AKAP6: variants seen among roughly 807,000 people sequenced by gnomAD.
AKAP6 encodes A-kinase anchor protein 6.
Under a neutral mutation model 188.5 loss-of-function variants are expected in AKAP6, and 58 were observed. The ratio of observed to expected loss-of-function variants is 0.31; its 90% confidence interval spans 0.25 to 0.38. The LOEUF (loss-of-function observed/expected upper bound fraction) is 0.38. Ranked by LOEUF, AKAP6 falls within the 10% of genes least tolerant of loss-of-function variation. The probability of loss-of-function intolerance (pLI) is 1.00; values close to 1 mark genes in which losing one functional copy is unlikely to be tolerated. For synonymous variants in AKAP6, 989 were observed against 998.6 expected (o/e 0.99, Z 0.18); for missense variants, 2,710 against 2,740.0 (o/e 0.99, Z 0.24).
intron 2 of AKAP6, among the ~76,000 whole-genome samples, chr14:32,461,718 A>G (rs1335021371): frequency 1.3e-5 from 2 of 152,054 alleles, no homozygotes; most frequent in African/African-American, 2.4e-5. Flanking sequence ...ACAAAACTAA[A>G]TGGAGAATGA....
intron 2 of AKAP6, among the ~76,000 whole-genome samples, chr14:32,482,813 C>T (rs1488083529): frequency 6.6e-6 from 1 of 151,970 alleles, no homozygotes; most frequent in Admixed American, 6.6e-5. Flanking sequence ...AGTTTTCTAC[C>T]GTATGTAAAA....
At chr14:32,781,167 G>A (rs2033238050) in intron 12 of AKAP6, among the ~76,000 whole-genome samples, 1 of 151,684 alleles carries the variant, frequency 6.6e-6, no homozygotes, top group African/African-American at 2.4e-5. Flanking sequence ...TTTTTGAGAA[G>A]ACCAATGAAA....
chr14:32,467,112 C>T (rs1278090779), intron 2 of AKAP6, among the ~76,000 whole-genome samples: 4 of 150,604 alleles, frequency 2.7e-5, no homozygotes, highest in Non-Finnish European at 5.9e-5. Flanking sequence ...ATCATTACCT[C>T]GGTGACGAGA....
intron 7 of AKAP6, among the ~76,000 whole-genome samples, chr14:32,671,486 T>G (rs1199389267): frequency 6.7e-6 from 1 of 148,526 alleles, no homozygotes. Context: ...TTTTTCTTTT[T>G]CTCTCTATTT....
intron 11 of AKAP6, among the ~76,000 whole-genome samples, chr14:32,772,040 G>T (rs1303949857): frequency 6.6e-6 from 1 of 152,094 alleles, no homozygotes; most frequent in Admixed American, 6.6e-5. Flanking sequence ...TGAAGGGTGT[G>T]TGTGGATGTG....
At chr14:32,684,055 G>C (rs1340436322) in intron 8 of AKAP6, among the ~76,000 whole-genome samples, 1 of 152,188 alleles carries the variant, frequency 6.6e-6, no homozygotes, top group African/African-American at 2.4e-5. Flanking sequence ...TGCAGAGGAA[G>C]AATAACAGGG....
chr14:32,808,931 G>T (rs1566726621), intron 12 of AKAP6, among the ~76,000 whole-genome samples: 2 of 152,164 alleles, frequency 1.3e-5, no homozygotes, highest in Non-Finnish European at 2.9e-5. Flanking sequence ...GGCTGCTTCA[G>T]GGAGCACTAA....
intron 7 of AKAP6, among the ~76,000 whole-genome samples, chr14:32,641,626 C>A (rs1019670455): frequency 6.6e-6 from 1 of 152,038 alleles, no homozygotes; most frequent in African/African-American, 2.4e-5. Context: ...AGAGGACAAT[C>A]CTTGAAGACT....
At chr14:32,566,358 A>G (rs57814554) in intron 4 of AKAP6, among the ~76,000 whole-genome samples, 5,687 of 151,908 alleles carry the variant, frequency 0.037, 354 homozygotes, top group African/African-American at 0.13. Flanking sequence ...GTTAATACAT[A>G]TTTTTAAATT....
intron 12 of AKAP6, among the ~76,000 whole-genome samples, chr14:32,805,893 A>G (rs1057234157): frequency 1.3e-5 from 2 of 152,224 alleles, no homozygotes; most frequent in Non-Finnish European, 2.9e-5. Context: ...TAATTATTGC[A>G]TAGAGAAGAG....
chr14:32,433,340 A>T, intron 1 of AKAP6, 120 bp from the exon 2 acceptor site: 1 of 719,390 alleles, frequency 1.4e-6, no homozygotes, highest in Non-Finnish European at 2.3e-6. Flanking sequence ...GTTATGAGCT[A>T]TGGTTTCTTA....
intron 11 of AKAP6, among the ~76,000 whole-genome samples, chr14:32,762,337 T>G (rs894818777): frequency 2.6e-5 from 4 of 152,168 alleles, no homozygotes; most frequent in Non-Finnish European, 5.9e-5. Context: ...TCATATTGTT[T>G]TATATGTCTG....
chr14:32,578,395 T>C (rs1196913634), intron 5 of AKAP6, among the ~76,000 whole-genome samples: 1 of 152,124 alleles, frequency 6.6e-6, no homozygotes, highest in African/African-American at 2.4e-5. Context: ...TGCTTCCCTT[T>C]TTAGAGACCT....
chr14:32,566,247 C>A (rs59021360), intron 4 of AKAP6, among the ~76,000 whole-genome samples: 2,183 of 152,112 alleles, frequency 0.014, 52 homozygotes, highest in African/African-American at 0.05. Context: ...TTCTATTAAG[C>A]CAGACATTCA....
intron 2 of AKAP6, chr14:32,474,371 C>T (rs1382970413): frequency 7.7e-6 from 1 of 129,330 alleles, no homozygotes; most frequent in Admixed American, 7.6e-5. Context: ...CTCAAATCTT[C>T]CTAGACCACT....
intron 9 of AKAP6, among the ~76,000 whole-genome samples, chr14:32,730,829 G>A (rs1298182207): frequency 3.3e-5 from 5 of 152,056 alleles, no homozygotes; most frequent in African/African-American, 7.2e-5. Context: ...TCCAATCATC[G>A]CTCTGACAAA....
chr14:32,381,302 C>T (rs1888351819), intron 1 of AKAP6, among the ~76,000 whole-genome samples: 1 of 151,856 alleles, frequency 6.6e-6, no homozygotes, highest in Non-Finnish European at 1.5e-5. Context: ...ATTGCACCTC[C>T]ACACTCCAGC....
chr14:32,733,130 G>T, intron 10 of AKAP6: 1 of 154,222 alleles, frequency 6.5e-6, no homozygotes, highest in Non-Finnish European at 1.4e-5. Flanking sequence ...TCAATTTCCA[G>T]CTCACTTTTA....
At chr14:32,619,473 G>A (rs1886725024) in intron 7 of AKAP6, among the ~76,000 whole-genome samples, 3 of 152,258 alleles carry the variant, frequency 2.0e-5, no homozygotes, top group South Asian at 2.1e-4. Flanking sequence ...TTGAAGATCA[G>A]TTGGTTGTAA....
Sources: allele counts gnomAD v4.1 joint callset (sites outside exome capture counted in the v4.1 genomes callset), GRCh38; gene constraint gnomAD v4.1.1; transcripts MANE v1.5; gene names NCBI Gene and HGNC (gene_info 2026-07-23, HGNC 2026-07-21).